Variants in ELAPOR2 observed in about 807,000 individuals in gnomAD.
The protein encoded by ELAPOR2 is endosome/lysosome-associated apoptosis and autophagy regulator family member 2.
A neutral mutation model predicts 120.7 loss-of-function variants in ELAPOR2; 89 were observed. The ratio of observed to expected loss-of-function variants is 0.74; its 90% CI spans 0.62 to 0.88. The LOEUF is 0.88. Among genes scored for constraint, ELAPOR2 ranks in the 40% least tolerant of loss-of-function variants. ELAPOR2 has a pLI of 0.00. For missense variants in ELAPOR2, 1,134 were observed against 1,251.6 expected (o/e 0.91, Z 1.42); for synonymous variants, 444 against 444.9 (o/e 1.00, Z 0.03).
Position 87,053,813 on chromosome 7 carries a change from A to C in ELAPOR2, c.189+5512T>G, listed in dbSNP as rs113685431. Among the ~76,000 whole-genome samples the C allele has an allele frequency of 3.9e-5, 6 of 152,310 alleles. 2 individuals are homozygous for C. Among genetic ancestry groups the C allele is most frequent in the African/African-American group, 1.2e-4 (5 of 41,566 alleles). Reference sequence around the variant, plus strand: ...TCTCTCACCATCACCCACAACCTGCATCCAGCTAACTCCTACTCATCCTTT... The same window carrying C: ...TCTCTCACCATCACCCACAACCTGCCTCCAGCTAACTCCTACTCATCCTTT... On this transcript the variant is annotated intron_variant, in intron 1 of 21. Transcript: ENST00000450689.
At chr7:86,897,831 A>G (rs1272433947) in intron 18 of ELAPOR2, among the ~76,000 whole-genome samples, 199 bp from the exon 19 acceptor site, 1 of 152,172 alleles carries the variant, frequency 6.6e-6, no homozygotes, top group Non-Finnish European at 1.5e-5. Context: ...CTGGAATCAA[A>G]AAGATAATAA....
intron 1 of ELAPOR2, among the ~76,000 whole-genome samples, chr7:87,046,516 T>G (rs956251809): frequency 6.6e-6 from 1 of 152,154 alleles, no homozygotes; most frequent in African/African-American, 2.4e-5. Flanking sequence ...TGGCTCTGTG[T>G]CCCCACTCGA....
intron 4 of ELAPOR2, among the ~76,000 whole-genome samples, chr7:86,942,575 T>C (rs1790844530): frequency 6.6e-6 from 1 of 152,126 alleles, no homozygotes; most frequent in South Asian, 2.1e-4. Flanking sequence ...TTCCATTCCC[T>C]AGGACTTAAT....
chr7:87,000,603 C>T (rs1793286723), intron 1 of ELAPOR2, among the ~76,000 whole-genome samples: 1 of 152,144 alleles, frequency 6.6e-6, no homozygotes, highest in Admixed American at 6.6e-5. Flanking sequence ...GTGCCAGCTC[C>T]ACTCCATGTG....
intron 3 of ELAPOR2, among the ~76,000 whole-genome samples, chr7:86,945,297 T>G (rs1301517296): frequency 1.3e-5 from 2 of 152,216 alleles, no homozygotes; most frequent in South Asian, 2.1e-4. Flanking sequence ...CACCCAAAAT[T>G]TGATTACCAA....
chr7:87,030,103 AT>A (rs1794378472), intron 1 of ELAPOR2, among the ~76,000 whole-genome samples: 3 of 152,174 alleles, frequency 2.0e-5, no homozygotes, highest in Non-Finnish European at 4.4e-5. Context: ...AAACAAAGCC[AT>A]AGCTGAAAAT....
intron 2 of ELAPOR2, among the ~76,000 whole-genome samples, chr7:86,953,535 G>GT (rs953431217): frequency 4.6e-5 from 7 of 152,010 alleles, no homozygotes; most frequent in Non-Finnish European, 7.4e-5. Context: ...AGATCATCAG[G>GT]TTTTTTAATA....
chr7:87,024,140 C>A (rs574728069), intron 1 of ELAPOR2, among the ~76,000 whole-genome samples: 1 of 152,214 alleles, frequency 6.6e-6, no homozygotes, highest in South Asian at 2.1e-4. Flanking sequence ...CTCTCTTGTG[C>A]CAGTTTTCAA....
chr7:86,889,377 C>G (rs887658317), intron 21 of ELAPOR2, among the ~76,000 whole-genome samples: 35 of 151,518 alleles, frequency 2.3e-4, no homozygotes, highest in African/African-American at 8.3e-4. Context: ...CAGTACCCCC[C>G]ACCCTATTCC....
intron 5 of ELAPOR2, among the ~76,000 whole-genome samples, chr7:86,941,755 AG>A (rs2116347074): frequency 1.3e-5 from 2 of 152,108 alleles, no homozygotes; most frequent in African/African-American, 4.8e-5. Context: ...TACAATGGGA[AG>A]GGGAAGGAAA....
intron 21 of ELAPOR2, among the ~76,000 whole-genome samples, chr7:86,890,493 T>C (rs570675320): frequency 2.0e-5 from 3 of 152,178 alleles, no homozygotes; most frequent in East Asian, 3.9e-4. Context: ...CCAAGTGATA[T>C]CATTTCCTCT....
chr7:86,881,130 T>C (rs899617357), intron 21 of ELAPOR2, among the ~76,000 whole-genome samples: 1 of 152,158 alleles, frequency 6.6e-6, no homozygotes, highest in East Asian at 1.9e-4. Context: ...ATTCAAAATG[T>C]AGACTATTAA....
intron 1 of ELAPOR2, among the ~76,000 whole-genome samples, chr7:86,995,880 C>T (rs1456941172): frequency 6.6e-6 from 1 of 152,076 alleles, no homozygotes; most frequent in Non-Finnish European, 1.5e-5. Context: ...TAGCATAGTG[C>T]CATATGATTT....
In ELAPOR2 at chr7:86,877,714, C is replaced by A. The variant is rs574264895; in HGVS notation, c.*2757G>T. On this transcript the variant is annotated 3_prime_UTR_variant, in exon 22 of 22. Coordinates refer to ENST00000450689, the MANE Select transcript of ELAPOR2 (RefSeq NM_001142749.3). Reference sequence around the variant, plus strand: ...CATGACCCACCTGGGGACCTGGAGACCCCAGATGCTAAAGACTGGACCCAA... The same window carrying A: ...CATGACCCACCTGGGGACCTGGAGAACCCAGATGCTAAAGACTGGACCCAA... 2 of 152,200 alleles carry A rather than the reference C, an allele frequency of 1.3e-5. No individual in the cohort carries two copies. Among genetic ancestry groups the A allele is most frequent in the South Asian group, 4.1e-4 (2 of 4,820 alleles). 9.4% of individuals were successfully genotyped at this position (152,200 alleles called of 1,614,324 possible).
chr7:86,929,473 G>A (rs972337530), intron 8 of ELAPOR2, among the ~76,000 whole-genome samples: 27 of 151,868 alleles, frequency 1.8e-4, no homozygotes, highest in African/African-American at 6.3e-4. Flanking sequence ...ATCTTTTCCA[G>A]TTGCAAGCCA....
At chr7:86,971,907 G>A (rs1792119368) in intron 1 of ELAPOR2, among the ~76,000 whole-genome samples, 2 of 152,140 alleles carry the variant, frequency 1.3e-5, no homozygotes, top group African/African-American at 4.8e-5. Flanking sequence ...ATCTGTTTGA[G>A]AATTGTTAAA....
intron 1 of ELAPOR2, among the ~76,000 whole-genome samples, chr7:87,019,522 G>A (rs983013355): frequency 2.0e-5 from 3 of 152,086 alleles, no homozygotes; most frequent in African/African-American, 7.2e-5. Context: ...CTCACTAAAA[G>A]TCATTAAGCA....
intron 1 of ELAPOR2, among the ~76,000 whole-genome samples, chr7:87,041,810 G>C (rs1371243450): frequency 1.3e-5 from 2 of 151,852 alleles, no homozygotes; most frequent in South Asian, 2.1e-4. Context: ...AAAAGACACA[G>C]ACTGGCAAAC....
rs147247267 is a variant in ELAPOR2 at position 86,937,104 on chromosome 7, G to C, written c.1089+1022C>G. 2.6e-5 allele frequency among the ~76,000 whole-genome samples: 4 copies of C among 152,066 alleles called. No homozygotes were observed. In the East Asian group the frequency reaches 7.8e-4, roughly 29 times the overall value. ...TTTGGCATTATGATAGGACTATCAG[G>C]ACCTTACTTTACAACTCCTTGTCAG... On this transcript the variant is annotated intron_variant, in intron 8 of 21. Coordinates refer to ENST00000450689, the MANE Select transcript of ELAPOR2 (RefSeq NM_001142749.3).
Sources: allele counts gnomAD v4.1 joint callset (sites outside exome capture counted in the v4.1 genomes callset), GRCh38; gene constraint gnomAD v4.1.1; transcripts MANE v1.5; gene names NCBI Gene and HGNC (gene_info 2026-07-23, HGNC 2026-07-21).